CXCL13: variants seen among roughly 807,000 people sequenced by gnomAD.
CXCL13 encodes the protein C-X-C motif chemokine 13.
CXCL13 carries 7 observed loss-of-function variants against 12.2 expected under a neutral mutation model. The ratio of observed to expected loss-of-function variants is 0.57; its 90% CI spans 0.33 to 1.07. CXCL13 has a LOEUF of 1.07. Among genes scored for constraint, CXCL13 ranks in the 50% least tolerant of loss-of-function variants. The pLI is 0.04. For missense variants in CXCL13, 113 were observed against 127.4 expected (o/e 0.89, Z 0.55); for synonymous variants, 47 against 42.4 (o/e 1.11, Z -0.42).
intron 1 of CXCL13, among the ~76,000 whole-genome samples, chr4:77,539,041 C>G (rs1420502747): frequency 6.7e-6 from 1 of 149,774 alleles, no homozygotes; most frequent in East Asian, 2.0e-4. Flanking sequence ...GACTAGTGCA[C>G]AGTTTGACCT....
At chr4:77,538,423 CTTTTTTTT>C (rs80263344) in intron 1 of CXCL13, among the ~76,000 whole-genome samples, 6 of 124,196 alleles carry the variant, frequency 4.8e-5, no homozygotes. Context: ...AATGTCTTGT[CTTTTTTTT>C]TTTTTTTTTC....
intron 1 of CXCL13, among the ~76,000 whole-genome samples, chr4:77,546,346 T>C (rs530750623): frequency 6.6e-6 from 1 of 152,340 alleles, no homozygotes; most frequent in East Asian, 1.9e-4. Flanking sequence ...TTTGTACCTC[T>C]GGTAGAATTC....
At chr4:77,567,218 C>T (rs751293888) in intron 1 of CXCL13, among the ~76,000 whole-genome samples, 17 of 152,162 alleles carry the variant, frequency 1.1e-4, no homozygotes, top group South Asian at 2.1e-4. Context: ...CTAACTCCAC[C>T]GCCTATCCCA....
In CXCL13 at chr4:77,607,799, T is replaced by C. The variant is rs747742921; in HGVS notation, c.161T>C (p.Leu54Ser). Residue 54 changes from leucine to serine, a missense_variant, in exon 2 of 4, where the codon TTG becomes TCG. Coordinates refer to ENST00000682537, the MANE Select transcript of CXCL13 (RefSeq NM_001371558.1). ...PRRFIDRIQILPRGNGCPRKE... is the reference protein window; with the variant it reads ...PRRFIDRIQISPRGNGCPRKE... The stretch of plus-strand genomic sequence containing the variant: ...CGCTTCATTGATCGAATTCAAATCT[T>C]GCCCCGTGGGAATGGTTGTCCAAGA... 1.9e-6 allele frequency: 3 copies of C among 1,614,074 alleles called. No individual in the cohort carries two copies. Among genetic ancestry groups the C allele is most frequent in the South Asian group, 2.2e-5 (2 of 91,078 alleles).
chr4:77,607,772 G>C lies in CXCL13; in HGVS notation c.134G>C (p.Arg45Thr). ...CAAGAGAGCTCAGTCTTTATCCCTAGACGCTTCATTGATCGAATTCAAATC... is the reference window on the plus strand; with the variant it reads ...CAAGAGAGCTCAGTCTTTATCCCTACACGCTTCATTGATCGAATTCAAATC... Reference protein sequence around the residue: ...CVQESSVFIPRRFIDRIQILP... With the variant: ...CVQESSVFIPTRFIDRIQILP... Residue 45 changes from arginine (R) to threonine (T), a missense_variant, in exon 2 of 4, where the codon AGA becomes ACA. Arg to Thr is a moderately conservative substitution (Grantham distance 71). Transcript: ENST00000682537. 1 of 1,614,064 alleles carries C rather than the reference G, an allele frequency of 6.2e-7. No homozygotes were observed. The highest frequency in any genetic ancestry group is 1.3e-5 in the African/African-American group (1 of 75,030).
chr4:77,574,392 G>A (rs563250610), intron 1 of CXCL13, among the ~76,000 whole-genome samples: 12 of 151,870 alleles, frequency 7.9e-5, no homozygotes, highest in South Asian at 6.2e-4. Context: ...CAAAATCTAC[G>A]GCCGTCCTAT....
chr4:77,561,366 T>A (rs1408962238), intron 1 of CXCL13, among the ~76,000 whole-genome samples: 1 of 152,178 alleles, frequency 6.6e-6, no homozygotes, highest in East Asian at 1.9e-4. Flanking sequence ...AAAAAATAAT[T>A]TAATGGCAGC....
chr4:77,531,892 T>G (rs1490385136), intron 1 of CXCL13, among the ~76,000 whole-genome samples: 1 of 152,232 alleles, frequency 6.6e-6, no homozygotes, highest in African/African-American at 2.4e-5. Flanking sequence ...GTTTTCCATT[T>G]GCTTGGTAGA....
intron 1 of CXCL13, among the ~76,000 whole-genome samples, chr4:77,547,771 C>G (rs1201610850): frequency 6.6e-6 from 1 of 152,172 alleles, no homozygotes; most frequent in Non-Finnish European, 1.5e-5. Flanking sequence ...TTGACCCTGT[C>G]ATTATGATGT....
Position 77,517,712 on chromosome 4 carries a change from A to T in CXCL13, c.-43+5924A>T, listed in dbSNP as rs184686680. Among the ~76,000 whole-genome samples the T allele has an allele frequency of 7.6e-3, 1,152 of 152,172 alleles. 14 individuals are homozygous for T. The highest frequency in any genetic ancestry group is 0.025 in the African/African-American group (1,041 of 41,516). On this transcript the variant is annotated intron_variant, in intron 1 of 4. Transcript: ENST00000286758. ...GAGCCTATGTGTGTCTCTGCATGTG[A>T]GATGGGTTTCCCGAATACAACACAC...
At position 77,580,389 on chromosome 4, in the gene CXCL13, C is replaced by A. The variant is rs1195429980; in HGVS notation, c.-42-25435C>A. 2.1e-4 allele frequency among the ~76,000 whole-genome samples: 23 copies of A among 111,746 alleles called. No homozygotes were observed. In the Admixed American group the frequency reaches 3.0e-3, roughly 14 times the overall value. The allele number at this position is 111,746 out of a possible 152,430, so 73.3% of individuals were successfully genotyped here. A position where few individuals can be genotyped will look rare whatever the true frequency, so the allele number is the denominator to read the frequency against. On this transcript the variant is annotated intron_variant, in intron 1 of 4. Coordinates refer to the CXCL13 transcript ENST00000286758. Reference sequence around the variant, plus strand: ...TTCACCAGGCTGGAGTGCAGTGGTGCAATCTTGGCTCACTGCAACCTCTGC... The same window carrying A: ...TTCACCAGGCTGGAGTGCAGTGGTGAAATCTTGGCTCACTGCAACCTCTGC...
At chr4:77,537,650 G>A (rs1725091740) in intron 1 of CXCL13, among the ~76,000 whole-genome samples, 3 of 152,296 alleles carry the variant, frequency 2.0e-5, no homozygotes, top group South Asian at 4.1e-4. Flanking sequence ...GTAATGGATA[G>A]CAATTTTGTT....
chr4:77,598,365 T>C (rs1726813098), intron 1 of CXCL13, among the ~76,000 whole-genome samples: 1 of 152,188 alleles, frequency 6.6e-6, no homozygotes, highest in African/African-American at 2.4e-5. Context: ...CCTGTCGTCT[T>C]GCCATGAAAG....
At chr4:77,523,253 C>T (rs943358031) in intron 1 of CXCL13, among the ~76,000 whole-genome samples, 2 of 152,148 alleles carry the variant, frequency 1.3e-5, no homozygotes, top group African/African-American at 4.8e-5. Flanking sequence ...TGAATGTTGG[C>T]CTGCCTTGCT....
intron 1 of CXCL13, among the ~76,000 whole-genome samples, chr4:77,546,426 C>G (rs189342740): frequency 1.2e-3 from 186 of 152,244 alleles, no homozygotes; most frequent in Admixed American, 2.6e-3. Flanking sequence ...AATTTCACAG[C>G]CTGTTATTGG....
chr4:77,559,194 T>C (rs1560525881), intron 1 of CXCL13, among the ~76,000 whole-genome samples: 1 of 152,160 alleles, frequency 6.6e-6, no homozygotes. Flanking sequence ...AGATAAAGAC[T>C]ATCATATAGA....
In CXCL13 at chr4:77,564,802, T is replaced by C. The variant is rs1156583221; in HGVS notation, c.-42-41022T>C. ...ACTCTAAAAGGCATGATGGAGCAGA[T>C]ATTGTGCGGAAAGGACCCCAGTGGA... is the stretch of plus-strand genomic sequence containing the variant. On this transcript the variant is annotated intron_variant, in intron 1 of 4. Coordinates refer to the CXCL13 transcript ENST00000286758. Among the ~76,000 whole-genome samples the C allele has an allele frequency of 2.6e-5, 4 of 152,140 alleles. No individual in the cohort carries two copies. The South Asian group carries it at 6.2e-4, about 24-fold the overall frequency.
intron 1 of CXCL13, among the ~76,000 whole-genome samples, chr4:77,526,792 G>T (rs1423769710): frequency 6.6e-6 from 1 of 152,128 alleles, no homozygotes; most frequent in Non-Finnish European, 1.5e-5. Flanking sequence ...ACTGGCTTAG[G>T]GAGGCCAGGG....
chr4:77,531,364 T>A (rs921505043), intron 1 of CXCL13, among the ~76,000 whole-genome samples: 2 of 146,096 alleles, frequency 1.4e-5, no homozygotes, highest in Non-Finnish European at 3.0e-5. Context: ...AGTGAGAACA[T>A]GCGGTGTTTG....
Sources: allele counts gnomAD v4.1 joint callset (sites outside exome capture counted in the v4.1 genomes callset), GRCh38; gene constraint gnomAD v4.1.1; transcripts MANE v1.5; gene names NCBI Gene and HGNC (gene_info 2026-07-23, HGNC 2026-07-21).